Variants in PLEKHG3 observed in about 807,000 individuals in gnomAD.
PLEKHG3 encodes pleckstrin homology domain-containing family G member 3.
PLEKHG3 carries 62 observed loss-of-function variants against 94.9 expected under a neutral mutation model. The ratio of observed to expected loss-of-function variants is 0.65; its 90% CI spans 0.53 to 0.81. The LOEUF (loss-of-function observed/expected upper bound fraction) is 0.81. Ranked by LOEUF, PLEKHG3 falls within the 30% of genes least tolerant of loss-of-function variation. PLEKHG3 has a pLI of 0.00. For synonymous variants in PLEKHG3, 614 were observed against 654.0 expected (o/e 0.94, Z 0.93); for missense variants, 1,461 against 1,619.3 (o/e 0.90, Z 1.68).
Position 64,731,247 on chromosome 14 carries a change from AC to A in PLEKHG3, c.849+81del. On this transcript the variant is annotated intron_variant, in intron 7 of 16. Coordinates refer to ENST00000247226, the MANE Select transcript of PLEKHG3 (RefSeq NM_001308147.2). This position sits in a 1 kb window ranked among gnomAD's most constrained non-coding sequence, Gnocchi z 6.1. ...TCCGCTGGGAAGAGGGACTGTGGCC[AC>A]CCTGCTGGGATGAGCTGGGCAGTGG... 6.7e-7 allele frequency: 1 copy of A among 1,482,344 alleles called. No homozygotes were observed. Among genetic ancestry groups the A allele is most frequent in the South Asian group, 1.2e-5 (1 of 84,206 alleles). The allele number at this position is 1,482,344 out of a possible 1,614,324, so 91.8% of individuals were successfully genotyped here.
chr14:64,711,978 C>T (rs1342333741), intron 1 of PLEKHG3, among the ~76,000 whole-genome samples: 1 of 152,162 alleles, frequency 6.6e-6, no homozygotes, highest in Non-Finnish European at 1.5e-5. Flanking sequence ...TTAGCTCTTA[C>T]ATTTAGGTCT....
rs2081163089 is a variant in PLEKHG3, at chr14:64,716,508, C to CAA, written c.-39-11084_-39-11083insAA. ...CACACACACACACAACACACACACA[C>CAA]ACACACACACACACACACACACACA... On this transcript the variant is annotated intron_variant, in intron 1 of 16. Transcript: ENST00000247226. The surrounding 1 kb of genome is among the most constrained non-coding windows in gnomAD (Gnocchi z 5.0). Among the ~76,000 whole-genome samples the CAA allele has an allele frequency of 7.5e-6, 1 of 133,436 alleles. No individual in the cohort carries two copies. The highest frequency in any genetic ancestry group is 3.0e-5 in the African/African-American group (1 of 32,868). The allele number at this position is 133,436 out of a possible 152,430, so 87.5% of individuals were successfully genotyped here.
At chr14:64,710,020 C>T (rs1291322956) in intron 1 of PLEKHG3, among the ~76,000 whole-genome samples, 1 of 152,140 alleles carries the variant, frequency 6.6e-6, no homozygotes, top group Non-Finnish European at 1.5e-5. Flanking sequence ...ACAGGAAGCC[C>T]TGTATTCCTG....
In PLEKHG3 at chr14:64,742,211, G is replaced by A; in HGVS notation, c.2694G>A (p.Glu898=). The A allele has an allele frequency of 6.2e-7, 1 of 1,613,008 alleles. No individual in the cohort carries two copies. The highest frequency in any genetic ancestry group is 2.2e-5 in the East Asian group (1 of 44,880). The change falls in exon 16 of 17, where the codon GAG becomes GAA. Residue 898 remains glutamate (E), a synonymous_variant. Transcript: ENST00000247226. ...AGCTGAGCAGCAGTACCCAGGGGGA[G>A]CTGGTGGCCCCACTGCACCCCCGCA... The part of the protein sequence containing the change: ...VKELSSSTQG[E]LVAPLHPRIV...
In PLEKHG3 at chr14:64,749,740, G is replaced by C. The variant is rs750052546; in HGVS notation, c.*6037G>C. The C allele has an allele frequency of 6.2e-7, 1 of 1,605,862 alleles. No homozygotes were observed. The highest frequency in any genetic ancestry group is 8.5e-7 in the Non-Finnish European group (1 of 1,175,892). On this transcript the variant is annotated 3_prime_UTR_variant, in exon 17 of 17. Transcript: ENST00000247226. This position sits in a 1 kb window ranked among gnomAD's most constrained non-coding sequence, Gnocchi z 4.7. ...TCCTGTCATGGAGACACCTCTGGAGGGGGCGCTGGGCAGAGGGCTGGCTCT... is the reference window on the plus strand; with the variant it reads ...TCCTGTCATGGAGACACCTCTGGAGCGGGCGCTGGGCAGAGGGCTGGCTCT...
Position 64,749,457 on chromosome 14 carries a change from C to T in PLEKHG3, c.*5754C>T, listed in dbSNP as rs1164695950. 1 of 1,601,614 alleles carries T rather than the reference C, an allele frequency of 6.2e-7. No homozygotes were observed. The highest frequency in any genetic ancestry group is 1.3e-5 in the African/African-American group (1 of 74,882). Reference sequence around the variant, plus strand: ...GATGGCGGTGCTCACGCCCTGCAGCCAGGACAGCATCTCCTCCTGCGGGGC... The same window carrying T: ...GATGGCGGTGCTCACGCCCTGCAGCTAGGACAGCATCTCCTCCTGCGGGGC... On this transcript the variant is annotated 3_prime_UTR_variant, in exon 17 of 17. Transcript: ENST00000247226. The surrounding 1 kb of genome is among the most constrained non-coding windows in gnomAD (Gnocchi z 4.7).
chr14:64,738,917 C>A lies in PLEKHG3; in HGVS notation c.1518+62C>A, dbSNP rs2081630430. ...GAACTTGGAGTCCAGATTTTCAAGT[C>A]TGCAAATAGGGCTTTCAGGCACAGG... On this transcript the variant is annotated intron_variant, in intron 15 of 16. Transcript: ENST00000247226. The surrounding 1 kb of genome is among the most constrained non-coding windows in gnomAD (Gnocchi z 4.8). 9.4e-7 allele frequency: 1 copy of A among 1,060,422 alleles called. No homozygotes were observed. The highest frequency in any genetic ancestry group is 1.4e-6 in the Non-Finnish European group (1 of 699,768). The allele number at this position is 1,060,422 out of a possible 1,614,324, so 65.7% of individuals were successfully genotyped here. A position where few individuals can be genotyped will look rare whatever the true frequency, so the allele number is the denominator to read the frequency against.
At position 64,743,742 on chromosome 14, in the gene PLEKHG3, T is replaced by C. The variant is rs749600810; in HGVS notation, c.*39T>C. The stretch of plus-strand genomic sequence containing the variant: ...GGGAGGGAGGAGTCATGTTGGAGGT[T>C]GGGGAAGAACCTGGGCATCCTTCCC... On this transcript the variant is annotated 3_prime_UTR_variant, in exon 17 of 17. Coordinates refer to ENST00000247226, the MANE Select transcript of PLEKHG3 (RefSeq NM_001308147.2). The surrounding 1 kb of genome is among the most constrained non-coding windows in gnomAD (Gnocchi z 7.2). 1.4e-5 allele frequency: 21 copies of C among 1,506,614 alleles called. No homozygotes were observed. The highest frequency in any genetic ancestry group is 1.8e-5 in the Non-Finnish European group (20 of 1,133,052). The allele number at this position is 1,506,614 out of a possible 1,614,324, so 93.3% of individuals were successfully genotyped here. A position where few individuals can be genotyped will look rare whatever the true frequency, so the allele number is the denominator to read the frequency against.
In PLEKHG3 at chr14:64,732,084, G is replaced by A. The variant is rs748588733; in HGVS notation, c.1126-11G>A. The A allele has an allele frequency of 5.6e-6, 9 of 1,602,598 alleles. No individual in the cohort carries two copies. The highest frequency in any genetic ancestry group is 1.3e-5 in the African/African-American group (1 of 74,776). ...ATAACCACTGGGTCCCTTTCCCTTG[G>A]GTCCTCCCAGGCCAAGACAGTGGAG... On this transcript the variant is annotated splice_polypyrimidine_tract_variant and intron_variant, in intron 9 of 16. Transcript: ENST00000247226. This position sits in a 1 kb window ranked among gnomAD's most constrained non-coding sequence, Gnocchi z 4.9.
chr14:64,743,099 C>T lies in PLEKHG3; in HGVS notation c.3056C>T (p.Pro1019Leu), dbSNP rs141047869. ...EMSPQRFFFN[P>L]SAVSQRTTSP... is the part of the protein sequence containing the mutation. The stretch of plus-strand genomic sequence containing the variant: ...TCACCACAGCGTTTCTTCTTCAACC[C>T]GTCTGCTGTCAGCCAGAGGACCACC... Residue 1019 changes from proline to leucine, a missense_variant, in exon 17 of 17, where the codon CCG becomes CTG. Pro to Leu is a moderately conservative substitution (Grantham distance 98, BLOSUM62 -3). Around this residue, in one of 3 missense-constraint regions of PLEKHG3, gnomAD observed 1,201 missense variants for 1,295.5 expected, o/e 0.93. Coordinates refer to ENST00000247226, the MANE Select transcript of PLEKHG3 (RefSeq NM_001308147.2). The surrounding 1 kb of genome is among the most constrained non-coding windows in gnomAD (Gnocchi z 7.2). The T allele has an allele frequency of 9.9e-4, 1,597 of 1,613,002 alleles. 6 individuals are homozygous for T. Among genetic ancestry groups the T allele is most frequent in the Non-Finnish European group, 1.2e-3 (1,466 of 1,180,006 alleles).
In PLEKHG3 at chr14:64,743,061, G is replaced by A. The variant is rs561684313; in HGVS notation, c.3018G>A (p.Ser1006=). 40 of 1,613,272 alleles carry A rather than the reference G, an allele frequency of 2.5e-5. No individual in the cohort carries two copies. The East Asian group carries it at 3.6e-4, about 14-fold the overall frequency. Residue 1006 remains serine (S), a synonymous_variant, in exon 17 of 17, where the codon TCG becomes TCA. Transcript: ENST00000247226. The surrounding 1 kb of genome is among the most constrained non-coding windows in gnomAD (Gnocchi z 7.2). Reference sequence around the variant, plus strand: ...AGCACAGCCCTCCCAAGCCCTCCTCGGCTGGGGAGATGTCACCACAGCGTT... The same window carrying A: ...AGCACAGCCCTCCCAAGCCCTCCTCAGCTGGGGAGATGTCACCACAGCGTT... ...AQEHSPPKPS[S]AGEMSPQRFF...
At chr14:64,737,269 A>T in intron 13 of PLEKHG3, 87 bp from the exon 14 acceptor site, 1 of 973,412 alleles carries the variant, frequency 1.0e-6, no homozygotes, top group Non-Finnish European at 1.6e-6. Context: ...AGCTGTCCAG[A>T]GGTCTTTTTC....
At position 64,742,010 on chromosome 14, in the gene PLEKHG3, GC is replaced by G; in HGVS notation, c.2495del (p.Pro832GlnfsTer53). 2 of 1,578,134 alleles carry G rather than the reference GC, an allele frequency of 1.3e-6. No individual in the cohort carries two copies. Among genetic ancestry groups the G allele is most frequent in the Non-Finnish European group, 1.7e-6 (2 of 1,162,324 alleles). On this transcript the variant is annotated frameshift_variant, in exon 16 of 17. Transcript: ENST00000247226. LOFTEE classifies it high-confidence loss of function. ...ESSGGSPGKG[P>X]GQGQANGFDL... ...CTTCCGGAGGGAGCCCTGGGAAGGG[GC>G]CAGGCCAGGGCCAGGCCAATGGCTT...
In PLEKHG3 at chr14:64,730,330, C is replaced by A. The variant is rs985654817; in HGVS notation, c.519+18C>A. The stretch of plus-strand genomic sequence containing the variant: ...TGGAAAGGGTAAGAAGGGCTGGGTC[C>A]TTGCCTCTGTCCTACCTTGCTGAGA... On this transcript the variant is annotated intron_variant, in intron 4 of 16. Coordinates refer to ENST00000247226, the MANE Select transcript of PLEKHG3 (RefSeq NM_001308147.2). The surrounding 1 kb of genome is among the most constrained non-coding windows in gnomAD (Gnocchi z 5.4). The A allele has an allele frequency of 6.0e-6, 9 of 1,495,948 alleles. No individual in the cohort carries two copies. The South Asian group carries it at 1.1e-4, about 18-fold the overall frequency. The allele number at this position is 1,495,948 out of a possible 1,614,324, so 92.7% of individuals were successfully genotyped here.
intron 1 of PLEKHG3, among the ~76,000 whole-genome samples, chr14:64,714,905 A>T (rs2081114783): frequency 6.9e-6 from 1 of 145,340 alleles, no homozygotes; most frequent in African/African-American, 2.9e-5. Context: ...ACCTGGGGGG[A>T]AAAAAGCACA....
chr14:64,709,526 A>G (rs1337078515), intron 1 of PLEKHG3, among the ~76,000 whole-genome samples: 1 of 152,178 alleles, frequency 6.6e-6, no homozygotes, highest in Admixed American at 6.5e-5. Context: ...GTAGCTGTGC[A>G]TGCAGCCTTT....
In PLEKHG3 at chr14:64,731,439, C is replaced by T. The variant is rs145013864; in HGVS notation, c.928C>T (p.Arg310Cys). Reference protein sequence around the residue: ...YGELVLEGTFRVHRVRNERTF... With the variant: ...YGELVLEGTFCVHRVRNERTF... ...GGAGCTTGTCCTGGAGGGCACATTCCGCGTGCATCGCGTGCGCAATGAAAG... is the reference window on the plus strand; with the variant it reads ...GGAGCTTGTCCTGGAGGGCACATTCTGCGTGCATCGCGTGCGCAATGAAAG... The change falls in exon 8 of 17, where the codon CGC becomes TGC. Residue 310 changes from arginine to cysteine, a missense_variant. Transcript: ENST00000247226. This position sits in a 1 kb window ranked among gnomAD's most constrained non-coding sequence, Gnocchi z 6.1. 1,900 of 1,613,754 alleles carry T rather than the reference C, an allele frequency of 1.2e-3. 22 individuals carry two copies. In the East Asian group the frequency reaches 0.019, roughly 16 times the overall value.
In PLEKHG3 at chr14:64,729,002, C is replaced by T; in HGVS notation, c.358C>T (p.Leu120Phe). 1 of 1,478,386 alleles carries T rather than the reference C, an allele frequency of 6.8e-7. No homozygotes were observed. Among genetic ancestry groups the T allele is most frequent in the Non-Finnish European group, 9.1e-7 (1 of 1,094,650 alleles). The allele number at this position is 1,478,386 out of a possible 1,614,324, so 91.6% of individuals were successfully genotyped here. A position where few individuals can be genotyped will look rare whatever the true frequency, so the allele number is the denominator to read the frequency against. Reference sequence around the variant, plus strand: ...ACCACCTCCCTCCACGCAGGACTACCTCTTGAAGATCATTGACACACCCGG... The same window carrying T: ...ACCACCTCCCTCCACGCAGGACTACTTCTTGAAGATCATTGACACACCCGG... The part of the protein sequence containing the change: ...QDLRSIVEDY[L>F]LKIIDTPGLL... Residue 120 changes from leucine to phenylalanine, a missense_variant, in exon 3 of 17, where the codon CTC becomes TTC. Physicochemically the swap from Leu to Phe is conservative, Grantham distance 22. Coordinates refer to ENST00000247226, the MANE Select transcript of PLEKHG3 (RefSeq NM_001308147.2).
rs893167559 is a variant in PLEKHG3 at position 64,721,897 on chromosome 14, T to TAAGAGCACAG, written c.-39-5695_-39-5686dup. Among the ~76,000 whole-genome samples the TAAGAGCACAG allele has an allele frequency of 3.3e-5, 5 of 152,168 alleles. No homozygotes were observed. Among genetic ancestry groups the TAAGAGCACAG allele is most frequent in the Non-Finnish European group, 7.4e-5 (5 of 68,016 alleles). ...GCCCAGAGTGGTGCCGAGCTGTGGG[T>TAAGAGCACAG]AAGAGCACAGCCGAGGGATTTCACC... is the stretch of plus-strand genomic sequence containing the variant. On this transcript the variant is annotated intron_variant, in intron 1 of 16. Coordinates refer to ENST00000247226, the MANE Select transcript of PLEKHG3 (RefSeq NM_001308147.2). This position sits in a 1 kb window ranked among gnomAD's most constrained non-coding sequence, Gnocchi z 4.3.
Sources: gnomAD v4.1 joint callset for allele counts (sites outside exome capture counted in the v4.1 genomes callset) on GRCh38, gnomAD v4.1.1 for gene constraint, gnomAD v4.1.1 regional missense constraint, Gnocchi (gnomAD v3.1) non-coding constraint, MANE v1.5 for transcripts, NCBI Gene and HGNC (gene_info 2026-07-23, HGNC 2026-07-21) for gene names.